Variants in ANKMY1 observed in about 807,000 individuals in gnomAD.
The protein encoded by ANKMY1 is ankyrin repeat and MYND domain containing 1.
ANKMY1 carries 98 observed loss-of-function variants against 102.0 expected under a neutral mutation model. The observed-to-expected ratio is 0.96, with a 90% confidence interval of 0.82 to 1.14. ANKMY1 has a LOEUF of 1.14. Ranked by LOEUF, ANKMY1 falls within the 50% of genes most tolerant of loss-of-function variation. The pLI is 0.00. For synonymous variants in ANKMY1, 582 were observed against 559.9 expected (o/e 1.04, Z -0.56); for missense variants, 1,330 against 1,347.6 (o/e 0.99, Z 0.20).
chr2:240,485,713 C>A lies in ANKMY1; in HGVS notation c.2807-3452G>T, dbSNP rs2151882843. ...CCAGTGATCCTCCCACCTCAGCCTC[C>A]TGAGTAACTGCGACTACAGGCCCAT... On this transcript the variant is annotated intron_variant, in intron 15 of 17. Coordinates refer to ENST00000401804, the MANE Select transcript of ANKMY1 (RefSeq NM_001282771.3). Among the ~76,000 whole-genome samples, 3 of 152,198 alleles carry A rather than the reference C, an allele frequency of 2.0e-5. No homozygotes were observed. The East Asian group carries it at 5.8e-4, about 29-fold the overall frequency.
At chr2:240,539,849 C>A (rs958151840) in intron 4 of ANKMY1, among the ~76,000 whole-genome samples, 8 of 152,132 alleles carry the variant, frequency 5.3e-5, no homozygotes, top group Non-Finnish European at 1.2e-4. Context: ...CCCAGAAAAA[C>A]CGGAAAAACT....
chr2:240,513,126 C>T (rs936326314), intron 9 of ANKMY1, among the ~76,000 whole-genome samples, 184 bp from the exon 10 acceptor site: 18 of 152,236 alleles, frequency 1.2e-4, no homozygotes, highest in African/African-American at 3.6e-4. Context: ...ACTCCCAACA[C>T]GCTGAGCAAG....
chr2:240,484,481 G>T (rs1312512924), intron 15 of ANKMY1, among the ~76,000 whole-genome samples: 1 of 152,178 alleles, frequency 6.6e-6, no homozygotes, highest in Admixed American at 6.5e-5. Flanking sequence ...AAATGGTGTT[G>T]GGAAAACTGG....
intron 4 of ANKMY1, among the ~76,000 whole-genome samples, chr2:240,544,494 G>T (rs191218097): frequency 2.6e-4 from 39 of 152,344 alleles, no homozygotes; most frequent in East Asian, 7.7e-4. Context: ...TTACTCTTGG[G>T]GGGGGAGGAG....
chr2:240,470,853 GGA>G, the ANKMY1 span, among the ~76,000 whole-genome samples: 2 of 152,192 alleles, frequency 1.3e-5, no homozygotes, highest in African/African-American at 2.4e-5. Flanking sequence ...TGAGGTCACA[GGA>G]GAGCTAAAAA....
intron 4 of ANKMY1, among the ~76,000 whole-genome samples, chr2:240,544,161 A>C (rs1027857464): frequency 5.3e-5 from 8 of 152,196 alleles, no homozygotes; most frequent in Non-Finnish European, 1.2e-4. Flanking sequence ...ATGAATATGA[A>C]GATATATATT....
At chr2:240,517,415 G>A (rs1015948284) in intron 9 of ANKMY1, among the ~76,000 whole-genome samples, 1 of 152,170 alleles carries the variant, frequency 6.6e-6, no homozygotes, top group African/African-American at 2.4e-5. Context: ...GGATCTGAAG[G>A]TACAGATGGA....
chr2:240,508,763 A>G lies in ANKMY1; in HGVS notation c.2394+585T>C, dbSNP rs200623676. Reference sequence around the variant, plus strand: ...ATAACAGTTAAATGATAGATGGATGAATGAATGAATGAATGAATGAATGGG... The same window carrying G: ...ATAACAGTTAAATGATAGATGGATGGATGAATGAATGAATGAATGAATGGG... On this transcript the variant is annotated intron_variant, in intron 12 of 17. Coordinates refer to ENST00000401804, the MANE Select transcript of ANKMY1 (RefSeq NM_001282771.3). Among the ~76,000 whole-genome samples, 14 of 31,700 alleles carry G rather than the reference A, an allele frequency of 4.4e-4. No homozygotes were observed. The South Asian group carries it at 5.5e-3, about 12-fold the overall frequency. The allele number at this position is 31,700 out of a possible 152,430, so 20.8% of individuals were successfully genotyped here.
At chr2:240,550,069 A>G (rs1406087172) in intron 4 of ANKMY1, among the ~76,000 whole-genome samples, 4 of 151,892 alleles carry the variant, frequency 2.6e-5, no homozygotes, top group Non-Finnish European at 4.4e-5. Context: ...ATGCACACGT[A>G]TGTTTATTGT....
At chr2:240,469,587 C>T in the ANKMY1 span, among the ~76,000 whole-genome samples, 1 of 152,266 alleles carries the variant, frequency 6.6e-6, no homozygotes, top group Non-Finnish European at 1.5e-5. Flanking sequence ...CTGCAGGCAG[C>T]CCCGGCAGGC....
At chr2:240,473,614 C>CT in the ANKMY1 span, among the ~76,000 whole-genome samples, 4 of 151,830 alleles carry the variant, frequency 2.6e-5, no homozygotes, top group African/African-American at 9.7e-5. Context: ...GGGCAGAAAG[C>CT]TTATTTAAAG....
chr2:240,559,714 A>G (rs1453226660), upstream of ANKMY1, among the ~76,000 whole-genome samples: 1 of 152,270 alleles, frequency 6.6e-6, no homozygotes, highest in East Asian at 1.9e-4. Flanking sequence ...AGCTGCAACC[A>G]GGGAAGACCT....
intron 11 of ANKMY1, among the ~76,000 whole-genome samples, chr2:240,511,196 A>G (rs1270901152): frequency 6.6e-6 from 1 of 152,080 alleles, no homozygotes; most frequent in Admixed American, 6.5e-5. Context: ...GCACTCCTGC[A>G]CACTCATCCT....
intron 4 of ANKMY1, among the ~76,000 whole-genome samples, chr2:240,540,809 G>A (rs955202876): frequency 6.6e-5 from 10 of 152,192 alleles, no homozygotes; most frequent in African/African-American, 1.4e-4. Context: ...GACAAGGAAC[G>A]CATTGCTCGT....
intron 11 of ANKMY1, 116 bp downstream of exon 11, chr2:240,511,745 C>T (rs983816653): frequency 7.5e-7 from 1 of 1,337,608 alleles, no homozygotes; most frequent in African/African-American, 1.5e-5. Context: ...TCCAAGCTCC[C>T]TGGCTTCTGC....
Position 240,499,826 on chromosome 2 carries a change from AG to A in ANKMY1, c.2806+131del. 1 of 1,201,016 alleles carries A rather than the reference AG, an allele frequency of 8.3e-7. No homozygotes were observed. Among genetic ancestry groups the A allele is most frequent in the East Asian group, 2.6e-5 (1 of 38,708 alleles). The allele number at this position is 1,201,016 out of a possible 1,614,324, so 74.4% of individuals were successfully genotyped here. On this transcript the variant is annotated intron_variant, in intron 15 of 17. Coordinates refer to ENST00000401804, the MANE Select transcript of ANKMY1 (RefSeq NM_001282771.3). This position sits in a 1 kb window ranked among gnomAD's most constrained non-coding sequence, Gnocchi z 4.2. ...TGGACGACGGGACACAAAGGGGACA[AG>A]CCGACGAGCCCAGCCCCAGGAAGGC...
intron 15 of ANKMY1, among the ~76,000 whole-genome samples, chr2:240,495,509 T>C (rs1348644675): frequency 1.3e-5 from 2 of 152,178 alleles, no homozygotes; most frequent in Non-Finnish European, 2.9e-5. Context: ...TGGCGTAAGC[T>C]GTCTCTCCTC....
intron 7 of ANKMY1, among the ~76,000 whole-genome samples, chr2:240,524,642 G>A (rs111724930): frequency 6.6e-6 from 1 of 152,364 alleles, no homozygotes; most frequent in Non-Finnish European, 1.5e-5. Context: ...ACAAAATGTG[G>A]CCTGTCCGCA....
chr2:240,482,165 G>A lies in ANKMY1; in HGVS notation c.2885+18C>T. 1 of 1,611,012 alleles carries A rather than the reference G, an allele frequency of 6.2e-7. No individual in the cohort carries two copies. Among genetic ancestry groups the A allele is most frequent in the Non-Finnish European group, 8.5e-7 (1 of 1,178,358 alleles). Reference sequence around the variant, plus strand: ...AGGCTGCCATCCTGGAAAGAACCCAGCCTGCAGACACACTTACTGCCCCTG... The same window carrying A: ...AGGCTGCCATCCTGGAAAGAACCCAACCTGCAGACACACTTACTGCCCCTG... On this transcript the variant is annotated intron_variant, in intron 16 of 17. Coordinates refer to ENST00000401804, the MANE Select transcript of ANKMY1 (RefSeq NM_001282771.3).
Sources: gnomAD v4.1 joint callset for allele counts (sites outside exome capture counted in the v4.1 genomes callset) on GRCh38, gnomAD v4.1.1 for gene constraint, Gnocchi (gnomAD v3.1) non-coding constraint, MANE v1.5 for transcripts, NCBI Gene and HGNC (gene_info 2026-07-23, HGNC 2026-07-21) for gene names.